Variants in OLFM3 observed in about 807,000 individuals in gnomAD.
OLFM3 encodes the protein olfactomedin 3, also known as noelin-3.
A neutral mutation model predicts 48.6 loss-of-function variants in OLFM3; 20 were observed. The observed-to-expected ratio is 0.41, with a 90% CI of 0.29 to 0.60. The LOEUF (loss-of-function observed/expected upper bound fraction) is 0.60, where lower values mean the gene tolerates loss of function less well. Ranked by LOEUF, OLFM3 falls within the 20% of genes least tolerant of loss-of-function variation. The pLI is 0.28. For synonymous variants in OLFM3, 222 were observed against 198.1 expected, an observed-to-expected ratio of 1.12 and a Z score of -1.01; for missense variants, 437 against 544.3, an observed-to-expected ratio of 0.80 and a Z score of 1.96.
At chr1:101,885,261 A>T (rs1418094703) in intron 1 of OLFM3, among the ~76,000 whole-genome samples, 1 of 152,070 alleles carries the variant, frequency 6.6e-6, no homozygotes, top group African/African-American at 2.4e-5. Flanking sequence ...CACAAGAATT[A>T]ACAGAAGATG....
At chr1:101,917,509 C>T (rs1658966399) in intron 1 of OLFM3, among the ~76,000 whole-genome samples, 1 of 151,916 alleles carries the variant, frequency 6.6e-6, no homozygotes, top group Admixed American at 6.6e-5. Flanking sequence ...CTCTGCCTCT[C>T]AGGTTCAAGT....
At position 101,955,527 on chromosome 1, in the gene OLFM3, C is replaced by T. The variant is rs535052615; in HGVS notation, c.69+41221G>A. 5.9e-5 allele frequency among the ~76,000 whole-genome samples: 9 copies of T among 151,552 alleles called. No individual in the cohort carries two copies. In the South Asian group the frequency reaches 1.9e-3, roughly 32 times the overall value. On this transcript the variant is annotated intron_variant, in intron 1 of 5. Transcript: ENST00000370103. ...CTATGTGAAATTTATACTGCTAATGCCCATCCATCTTCTACTTCTTAAAGT... is the reference window on the plus strand; with the variant it reads ...CTATGTGAAATTTATACTGCTAATGTCCATCCATCTTCTACTTCTTAAAGT...
chr1:101,903,088 T>C (rs1341620555), intron 1 of OLFM3, among the ~76,000 whole-genome samples: 2 of 152,036 alleles, frequency 1.3e-5, no homozygotes, highest in Non-Finnish European at 2.9e-5. Context: ...ATAACAAAGA[T>C]AGTAGATAAT....
At chr1:101,904,848 C>A (rs1454064851) in intron 1 of OLFM3, among the ~76,000 whole-genome samples, 1 of 152,056 alleles carries the variant, frequency 6.6e-6, no homozygotes, top group African/African-American at 2.4e-5. Flanking sequence ...TACCTCTACT[C>A]CCCACAGTCA....
chr1:101,994,301 T>C (rs893079326), intron 1 of OLFM3, among the ~76,000 whole-genome samples: 2 of 151,056 alleles, frequency 1.3e-5, no homozygotes, highest in Admixed American at 6.6e-5. Context: ...AATGTATTAG[T>C]ATGCAAAAAG....
chr1:101,881,412 C>A (rs549014414), intron 1 of OLFM3, among the ~76,000 whole-genome samples: 1 of 151,890 alleles, frequency 6.6e-6, no homozygotes, highest in South Asian at 2.1e-4. Flanking sequence ...TCACTTGAAC[C>A]CAAACCAGAG....
intron 1 of OLFM3, among the ~76,000 whole-genome samples, chr1:101,937,046 A>C (rs1434645746): frequency 1.3e-5 from 2 of 152,214 alleles, no homozygotes; most frequent in African/African-American, 2.4e-5. Context: ...TTTGGGACAT[A>C]GGCCCTGACA....
At chr1:101,814,256 C>A (rs898260122) in intron 4 of OLFM3, among the ~76,000 whole-genome samples, 1 of 149,576 alleles carries the variant, frequency 6.7e-6, no homozygotes, top group South Asian at 2.1e-4. Context: ...TATTCATTCA[C>A]CCAGCTAAGG....
At position 101,832,809 on chromosome 1, in the gene OLFM3, A is replaced by T. The variant is rs575629585; in HGVS notation, c.217-1982T>A. Among the ~76,000 whole-genome samples, 9 of 152,314 alleles carry T rather than the reference A, an allele frequency of 5.9e-5. No homozygotes were observed. In the East Asian group the frequency reaches 1.7e-3, roughly 29 times the overall value. On this transcript the variant is annotated intron_variant, in intron 2 of 5. Coordinates refer to ENST00000370103, the MANE Select transcript of OLFM3 (RefSeq NM_058170.4). ...ATTATAGGAATGTAAGTATTTCTTA[A>T]TTTACTAAAAGTTTAATATTCCGAA...
intron 1 of OLFM3, among the ~76,000 whole-genome samples, chr1:101,860,404 A>G (rs1656603585): frequency 6.6e-6 from 1 of 152,096 alleles, no homozygotes; most frequent in South Asian, 2.1e-4. Context: ...GTGTGTGTTT[A>G]TGCAATTATT....
At chr1:101,940,338 G>T (rs1002696234) in intron 1 of OLFM3, among the ~76,000 whole-genome samples, 20 of 143,114 alleles carry the variant, frequency 1.4e-4, no homozygotes, top group Admixed American at 2.9e-4. Flanking sequence ...AAATGTTTTG[G>T]AACATTTTTT....
chr1:101,967,592 A>G (rs1660651735), intron 1 of OLFM3, among the ~76,000 whole-genome samples: 1 of 99,836 alleles, frequency 1.0e-5, no homozygotes, highest in Non-Finnish European at 2.2e-5. Context: ...TAGTCAGTGA[A>G]AAAAAAAAAA....
chr1:101,963,589 T>A (rs916521094), intron 1 of OLFM3, among the ~76,000 whole-genome samples: 18 of 150,028 alleles, frequency 1.2e-4, no homozygotes, highest in African/African-American at 4.1e-4. Context: ...TCTTTCTCTT[T>A]AAAAAAAAAA....
rs370596061 is a variant in OLFM3 at position 101,982,302 on chromosome 1, C to G, written c.69+14446G>C. Among the ~76,000 whole-genome samples the G allele has an allele frequency of 2.0e-5, 3 of 151,894 alleles. No individual in the cohort carries two copies. In the East Asian group the frequency reaches 5.8e-4, roughly 29 times the overall value. The stretch of plus-strand genomic sequence containing the variant: ...GACAATCACAATGAAATCATGGAGA[C>G]CTTGAGGTAAGATATGAATTGGGAT... On this transcript the variant is annotated intron_variant, in intron 1 of 5. Coordinates refer to ENST00000370103, the MANE Select transcript of OLFM3 (RefSeq NM_058170.4).
At chr1:101,864,313 C>T (rs1465268685) in intron 1 of OLFM3, among the ~76,000 whole-genome samples, 1 of 151,982 alleles carries the variant, frequency 6.6e-6, no homozygotes, top group Non-Finnish European at 1.5e-5. Flanking sequence ...GATAATTTGC[C>T]TACAGTTATT....
At chr1:101,936,721 G>T (rs992780247) in intron 1 of OLFM3, among the ~76,000 whole-genome samples, 1 of 152,096 alleles carries the variant, frequency 6.6e-6, no homozygotes, top group African/African-American at 2.4e-5. Flanking sequence ...TGCAATGCTA[G>T]AGTAATCAAA....
intron 4 of OLFM3, among the ~76,000 whole-genome samples, chr1:101,806,525 C>G (rs1477839276): frequency 1.3e-5 from 2 of 151,724 alleles, no homozygotes; most frequent in Admixed American, 6.6e-5. Flanking sequence ...AAGCAAATTG[C>G]CCATAGACCT....
At chr1:101,833,429 T>C (rs1014949136) in intron 2 of OLFM3, among the ~76,000 whole-genome samples, 2 of 152,210 alleles carry the variant, frequency 1.3e-5, no homozygotes, top group Non-Finnish European at 2.9e-5. Context: ...AGAGCATCAG[T>C]TTCCTGATGA....
At chr1:101,862,914 G>A (rs910920598) in intron 1 of OLFM3, among the ~76,000 whole-genome samples, 1 of 151,922 alleles carries the variant, frequency 6.6e-6, no homozygotes, top group East Asian at 1.9e-4. Context: ...GTGTTGTAAT[G>A]CCCTTTGAAA....
Sources: allele counts gnomAD v4.1 joint callset (sites outside exome capture counted in the v4.1 genomes callset), GRCh38; gene constraint gnomAD v4.1.1; transcripts MANE v1.5; gene names NCBI Gene and HGNC (gene_info 2026-07-23, HGNC 2026-07-21).